Variants in PARP15 observed in about 807,000 individuals in gnomAD.
PARP15 encodes poly(ADP-ribose) polymerase family member 15.
A neutral mutation model predicts 62.1 loss-of-function variants in PARP15; 50 were observed. The observed-to-expected ratio is 0.81, with a 90% CI of 0.64 to 1.02. The LOEUF (loss-of-function observed/expected upper bound fraction) is 1.02, where lower values mean the gene tolerates loss of function less well. Among genes scored for constraint, PARP15 ranks in the 50% least tolerant of loss-of-function variants. PARP15 has a pLI of 0.00. For missense variants in PARP15, 820 were observed against 826.5 expected, an observed-to-expected ratio of 0.99 and a Z score of 0.10; for synonymous variants, 309 against 293.1, an observed-to-expected ratio of 1.05 and a Z score of -0.55.
intron 4 of PARP15, among the ~76,000 whole-genome samples, chr3:122,613,637 C>G (rs1935732661): frequency 1.3e-5 from 2 of 152,132 alleles, no homozygotes. Flanking sequence ...ATAGACCAGT[C>G]TACACAAGTC....
intron 6 of PARP15, 62 bp from the exon 7 acceptor site, chr3:122,619,719 A>G: frequency 7.1e-7 from 1 of 1,415,344 alleles, no homozygotes; most frequent in Non-Finnish European, 1.0e-6. Flanking sequence ...CTAATGTACA[A>G]AAACTATAAC....
At chr3:122,621,991 G>A (rs1025529264) in intron 8 of PARP15, among the ~76,000 whole-genome samples, 4 of 152,130 alleles carry the variant, frequency 2.6e-5, no homozygotes, top group Admixed American at 6.5e-5. Context: ...TGGAGACAGC[G>A]TTTCCCCATG....
chr3:122,620,821 TCTC>T (rs71136578), intron 7 of PARP15, among the ~76,000 whole-genome samples: 3 of 151,190 alleles, frequency 2.0e-5, no homozygotes, highest in Non-Finnish European at 2.9e-5. Context: ...AGGGATCCAC[TCTC>T]CTCCTCCCTT....
At chr3:122,584,769 C>T (rs997709367) in intron 1 of PARP15, among the ~76,000 whole-genome samples, 13 of 151,914 alleles carry the variant, frequency 8.6e-5, no homozygotes, top group East Asian at 1.9e-4. Context: ...GTGGAGACGG[C>T]GTTTCACCAC....
At chr3:122,582,141 A>G (rs1241411545) in intron 1 of PARP15, among the ~76,000 whole-genome samples, 1 of 151,938 alleles carries the variant, frequency 6.6e-6, no homozygotes, top group East Asian at 1.9e-4. Context: ...GCATGTCTGA[A>G]AGGTTTTTAT....
intron 1 of PARP15, among the ~76,000 whole-genome samples, chr3:122,584,521 A>G (rs1321365900): frequency 1.3e-5 from 2 of 150,654 alleles, no homozygotes; most frequent in Non-Finnish European, 3.0e-5. Flanking sequence ...CTTCTTTGGG[A>G]TTGAAGTTCA....
chr3:122,604,656 C>T (rs1274637411), intron 1 of PARP15, among the ~76,000 whole-genome samples: 1 of 151,470 alleles, frequency 6.6e-6, no homozygotes, highest in Non-Finnish European at 1.5e-5. Context: ...AGTTCAAGAC[C>T]AGCCTGGCCA....
intron 9 of PARP15, among the ~76,000 whole-genome samples, chr3:122,631,046 C>T (rs1277325778): frequency 6.6e-6 from 1 of 152,124 alleles, no homozygotes; most frequent in Non-Finnish European, 1.5e-5. Flanking sequence ...TAGAAGGCCC[C>T]CAAAAAACCT....
In PARP15 at chr3:122,621,541, G is replaced by A. The variant is rs763974685; in HGVS notation, c.1161G>A (p.Thr387=). The A allele has an allele frequency of 1.6e-5, 26 of 1,613,898 alleles. No individual in the cohort carries two copies. In the South Asian group the frequency reaches 1.9e-4, roughly 12 times the overall value. The stretch of plus-strand genomic sequence containing the variant: ...CTGGGGGAAAAGATGTCAGGAAAAC[G>A]GTCACCAGTGTTCTAGAAGAGTGTG... The part of the protein sequence containing the change: ...HVPGGKDVRK[T]VTSVLEECEQ... Residue 387 remains threonine, a synonymous_variant, in exon 8 of 12, where the codon ACG becomes ACA. Transcript: ENST00000464300.
At chr3:122,610,067 TGAGA>T in intron 2 of PARP15, among the ~76,000 whole-genome samples, 1 of 152,376 alleles carries the variant, frequency 6.6e-6, no homozygotes, top group East Asian at 1.9e-4. Context: ...CCTGCCAGGC[TGAGA>T]GCAATTCTTT....
At chr3:122,608,479 A>G (rs184651783) in intron 2 of PARP15, among the ~76,000 whole-genome samples, 2,471 of 151,776 alleles carry the variant, frequency 0.016, 67 homozygotes, top group African/African-American at 0.054. Context: ...GCCTCCCAAA[A>G]TGCTGGGATT....
In PARP15 at chr3:122,638,966, C is replaced by A. The variant is rs1576560024; in HGVS notation, c.*2866C>A. ...ATAAAGTTTTTAAAAATGTAATCAT[C>A]ATTATTTATAGTTTAATAATCAGTT... On this transcript the variant is annotated 3_prime_UTR_variant, in exon 12 of 12. Transcript: ENST00000464300. 1 of 152,100 alleles carries A rather than the reference C, an allele frequency of 6.6e-6. No individual in the cohort carries two copies. The highest frequency in any genetic ancestry group is 1.9e-4 in the East Asian group (1 of 5,200). 9.4% of individuals were successfully genotyped at this position (152,100 alleles called of 1,614,324 possible).
chr3:122,631,098 AAAGG>A (rs1937037294), intron 9 of PARP15, among the ~76,000 whole-genome samples: 1 of 152,206 alleles, frequency 6.6e-6, no homozygotes, highest in Non-Finnish European at 1.5e-5. Context: ...TATTCAGGGG[AAAGG>A]AAGCAGCAGA....
At chr3:122,626,238 G>C (rs1027773904) in intron 8 of PARP15, among the ~76,000 whole-genome samples, 1 of 133,658 alleles carries the variant, frequency 7.5e-6, no homozygotes, top group Admixed American at 8.7e-5. Context: ...TTGCTCTGTC[G>C]CCCAGGCTGG....
chr3:122,591,403 C>G (rs1165389440), intron 1 of PARP15, among the ~76,000 whole-genome samples: 1 of 152,172 alleles, frequency 6.6e-6, no homozygotes, highest in African/African-American at 2.4e-5. Flanking sequence ...CTGTTACTGG[C>G]CTGCCAGAAG....
intron 2 of PARP15, among the ~76,000 whole-genome samples, chr3:122,609,277 A>G (rs953079697): frequency 4.6e-5 from 7 of 152,196 alleles, no homozygotes; most frequent in Admixed American, 2.6e-4. Flanking sequence ...TCATATGCTA[A>G]CTAACATTAT....
intron 10 of PARP15, among the ~76,000 whole-genome samples, chr3:122,633,997 A>G (rs1937206865): frequency 6.6e-6 from 1 of 150,718 alleles, no homozygotes; most frequent in Non-Finnish European, 1.5e-5. Context: ...CCTCCAGTCA[A>G]CCCCCTCACA....
At chr3:122,599,546 CTCTT>C (rs71136575) in intron 1 of PARP15, among the ~76,000 whole-genome samples, 1 of 124,024 alleles carries the variant, frequency 8.1e-6, no homozygotes, top group Admixed American at 8.8e-5. Flanking sequence ...TCCTTTCTCT[CTCTT>C]TCTTTCTTTT....
intron 2 of PARP15, among the ~76,000 whole-genome samples, chr3:122,610,162 T>C (rs1935460012): frequency 1.3e-5 from 2 of 152,352 alleles, no homozygotes; most frequent in South Asian, 4.1e-4. Context: ...CACTTTCATT[T>C]TTCTTCTTTC....
Sources: gnomAD v4.1 joint callset for allele counts (sites outside exome capture counted in the v4.1 genomes callset) on GRCh38, gnomAD v4.1.1 for gene constraint, MANE v1.5 for transcripts, NCBI Gene and HGNC (gene_info 2026-07-23, HGNC 2026-07-21) for gene names.